Variants in EYS observed in about 807,000 individuals in gnomAD.
The protein encoded by EYS is EGF-like photoreceptor maintenance factor.
Under a neutral mutation model 282.1 loss-of-function variants are expected in EYS, and 250 were observed. That is an observed-to-expected ratio of 0.89 (90% CI 0.80 to 0.98). The LOEUF is 0.98. Among genes scored for constraint, EYS ranks in the 50% least tolerant of loss-of-function variants. The probability of loss-of-function intolerance (pLI) is 0.00; values close to 1 mark genes in which losing one functional copy is unlikely to be tolerated. For synonymous variants in EYS, 1,355 were observed against 1,282.9 expected (o/e 1.06, Z -1.20); for missense variants, 4,016 against 3,709.0 (o/e 1.08, Z -2.15).
At chr6:64,664,254 T>C (rs1769151696) in intron 22 of EYS, among the ~76,000 whole-genome samples, 1 of 152,222 alleles carries the variant, frequency 6.6e-6, no homozygotes, top group Non-Finnish European at 1.5e-5. Flanking sequence ...ATCCCAATCA[T>C]TGTCCCTTCC....
At chr6:64,033,832 C>A (rs1473781987) in intron 33 of EYS, among the ~76,000 whole-genome samples, 1,284 of 64,480 alleles carry the variant, frequency 0.02, 17 homozygotes, top group African/African-American at 0.06. Context: ...AGATTACTCT[C>A]TCTCTCTCTC....
intron 31 of EYS, among the ~76,000 whole-genome samples, chr6:64,116,223 C>G (rs1376164947): frequency 1.3e-5 from 2 of 151,944 alleles, no homozygotes; most frequent in Non-Finnish European, 1.5e-5. Context: ...AAAAGTCTCT[C>G]AAGTCAAAAA....
chr6:64,531,542 AC>A (rs1764335758), intron 26 of EYS, among the ~76,000 whole-genome samples: 1 of 108,514 alleles, frequency 9.2e-6, no homozygotes, highest in Non-Finnish European at 2.2e-5. Context: ...GCCCGCCACC[AC>A]GCCTGGTTTA....
chr6:63,798,965 A>G (rs1425878170), intron 37 of EYS, among the ~76,000 whole-genome samples: 13 of 124,178 alleles, frequency 1.0e-4, no homozygotes, highest in African/African-American at 3.0e-4. Context: ...GTATATGTGT[A>G]TATATATATA....
chr6:63,859,641 GAA>G (rs199714551), intron 36 of EYS, among the ~76,000 whole-genome samples: 8 of 94,294 alleles, frequency 8.5e-5, no homozygotes, highest in South Asian at 3.2e-4. Flanking sequence ...ACTGCCACCA[GAA>G]AAAAAAAAAA....
intron 21 of EYS, among the ~76,000 whole-genome samples, chr6:64,816,971 T>C (rs1764756821): frequency 1.3e-5 from 2 of 151,180 alleles, no homozygotes; most frequent in East Asian, 3.9e-4. Flanking sequence ...AGAATATATA[T>C]ATAATTATAT....
chr6:64,852,263 G>T (rs902859397), intron 19 of EYS, among the ~76,000 whole-genome samples: 2 of 152,134 alleles, frequency 1.3e-5, no homozygotes, highest in African/African-American at 2.4e-5. Flanking sequence ...TCTGGGAAAA[G>T]CAGACCCACC....
intron 23 of EYS, among the ~76,000 whole-genome samples, chr6:64,617,987 G>A (rs9445042): frequency 0.33 from 50,760 of 151,970 alleles, 9,110 homozygotes; most frequent in East Asian, 0.5. Flanking sequence ...TGTTATTTGT[G>A]ATACTTGTAG....
intron 12 of EYS, among the ~76,000 whole-genome samples, chr6:65,092,351 C>A (rs1269055687): frequency 6.6e-6 from 1 of 152,126 alleles, no homozygotes; most frequent in Non-Finnish European, 1.5e-5. Context: ...ATTTCTCAGG[C>A]ATTCCTAACA....
intron 12 of EYS, among the ~76,000 whole-genome samples, chr6:65,291,927 T>A (rs1461908503): frequency 6.6e-6 from 1 of 151,492 alleles, no homozygotes. Flanking sequence ...CTACAATATG[T>A]CTTGAAAGCC....
At chr6:63,823,270 G>A (rs1215975965) in intron 36 of EYS, among the ~76,000 whole-genome samples, 2 of 152,064 alleles carry the variant, frequency 1.3e-5, no homozygotes, top group Non-Finnish European at 2.9e-5. Context: ...AAAATGAATT[G>A]AGAAGCACTC....
At chr6:65,611,664 T>C (rs1191755662) in intron 2 of EYS, among the ~76,000 whole-genome samples, 1 of 152,128 alleles carries the variant, frequency 6.6e-6, no homozygotes, top group Non-Finnish European at 1.5e-5. Flanking sequence ...GTTGTAATAG[T>C]ATGGCATTTG....
chr6:65,508,583 G>A (rs1266042268), intron 2 of EYS, among the ~76,000 whole-genome samples: 1 of 151,236 alleles, frequency 6.6e-6, no homozygotes, highest in African/African-American at 2.4e-5. Context: ...CTGAGGCAAG[G>A]GAATGATGTG....
chr6:65,166,822 T>TTCA (rs1350281445), intron 12 of EYS, among the ~76,000 whole-genome samples: 1 of 151,106 alleles, frequency 6.6e-6, no homozygotes, highest in African/African-American at 2.4e-5. Flanking sequence ...GTATATAGAA[T>TTCA]GAACTCATAA....
chr6:64,368,613 G>T (rs139636677), intron 29 of EYS, among the ~76,000 whole-genome samples: 16 of 152,196 alleles, frequency 1.1e-4, no homozygotes, highest in African/African-American at 3.6e-4. Flanking sequence ...CTGATGGTGT[G>T]AGACTGCATC....
chr6:65,420,287 G>A (rs1225030560), intron 5 of EYS, among the ~76,000 whole-genome samples: 1 of 151,900 alleles, frequency 6.6e-6, no homozygotes, highest in Non-Finnish European at 1.5e-5. Context: ...TAAATCTTTT[G>A]TTGTAACTTC....
Position 64,215,165 on chromosome 6 carries a change from T to A in EYS, c.6424+15427A>T, listed in dbSNP as rs532348647. Among the ~76,000 whole-genome samples the A allele has an allele frequency of 5.9e-5, 9 of 152,182 alleles. No homozygotes were observed. In the South Asian group the frequency reaches 1.9e-3, roughly 32 times the overall value. Reference sequence around the variant, plus strand: ...TAAGTATTTATGAATATATGAAATATGAAAATGAAGGATTGTTTTCAATTT... The same window carrying A: ...TAAGTATTTATGAATATATGAAATAAGAAAATGAAGGATTGTTTTCAATTT... On this transcript the variant is annotated intron_variant, in intron 31 of 42. Coordinates refer to ENST00000503581, the MANE Select transcript of EYS (RefSeq NM_001142800.2).
chr6:65,474,916 C>T (rs1422715440), intron 5 of EYS, among the ~76,000 whole-genome samples: 1 of 151,446 alleles, frequency 6.6e-6, no homozygotes, highest in African/African-American at 2.4e-5. Context: ...ATGAGAGCTC[C>T]GGAGAATGTA....
intron 5 of EYS, among the ~76,000 whole-genome samples, chr6:65,432,939 T>C (rs1242261675): frequency 6.6e-6 from 1 of 152,112 alleles, no homozygotes; most frequent in East Asian, 1.9e-4. Flanking sequence ...TTTTTGTTTG[T>C]TTTTTAACCT....
Sources: gnomAD v4.1 joint callset for allele counts (sites outside exome capture counted in the v4.1 genomes callset) on GRCh38, gnomAD v4.1.1 for gene constraint, MANE v1.5 for transcripts, NCBI Gene and HGNC (gene_info 2026-07-23, HGNC 2026-07-21) for gene names.